The following PRKG2 variants were observed in gnomAD, a reference collection of about 807,000 sequenced individuals.
PRKG2 encodes cGMP-dependent protein kinase 2.
In PRKG2, 33 loss-of-function variants were observed where a neutral mutation model predicts 97.2. That is an observed-to-expected ratio of 0.34 (90% CI 0.26 to 0.45). The LOEUF is 0.45. PRKG2 is among the 20% of genes least tolerant of loss of function. The probability of loss-of-function intolerance (pLI) is 1.00; values close to 1 mark genes in which losing one functional copy is unlikely to be tolerated. For missense variants in PRKG2, 638 were observed against 900.0 expected (o/e 0.71, Z 3.73); for synonymous variants, 330 against 321.8 (o/e 1.03, Z -0.27).
intron 17 of PRKG2, among the ~76,000 whole-genome samples, chr4:81,100,531 A>T (rs1742634002): frequency 6.6e-6 from 1 of 152,160 alleles, no homozygotes. Flanking sequence ...CTGAAACTGG[A>T]TCCCTTCCTT....
intron 6 of PRKG2, among the ~76,000 whole-genome samples, chr4:81,154,873 A>G (rs997531866): frequency 2.6e-5 from 4 of 152,158 alleles, no homozygotes; most frequent in African/African-American, 9.7e-5. Flanking sequence ...AACTTTGAAA[A>G]AAATTTAGAA....
Position 81,110,453 on chromosome 4 carries a change from C to T in PRKG2, c.1935G>A (p.Thr645=). 3 of 1,611,794 alleles carry T rather than the reference C, an allele frequency of 1.9e-6. No homozygotes were observed. The highest frequency in any genetic ancestry group is 1.7e-4 in the Middle Eastern group (1 of 6,054). ...TAAAACTTGAAGGTACATACTTGCC[C>T]GTTAGGAGCTCATACACTAGAATTC... ...SLGILVYELL[T]GNPPFSGVDQ... Residue 645 remains threonine (T), a synonymous_variant, in exon 15 of 19, where the codon ACG becomes ACA. Transcript: ENST00000264399.
intron 15 of PRKG2, among the ~76,000 whole-genome samples, chr4:81,107,699 G>T (rs1743487809): frequency 6.6e-6 from 1 of 151,912 alleles, no homozygotes; most frequent in Non-Finnish European, 1.5e-5. Flanking sequence ...TTTTAGTGGA[G>T]ACGGAGTTTC....
intron 14 of PRKG2, among the ~76,000 whole-genome samples, chr4:81,132,653 C>A (rs6811773): frequency 0.039 from 5,977 of 152,192 alleles, 413 homozygotes; most frequent in African/African-American, 0.14. Context: ...CTTTTCAATG[C>A]CTTCAATTAT....
chr4:81,173,485 T>C (rs191444439), intron 3 of PRKG2, among the ~76,000 whole-genome samples: 277 of 152,202 alleles, frequency 1.8e-3, no homozygotes, highest in African/African-American at 5.2e-3. Flanking sequence ...TGCAATACTC[T>C]AGTGTTGCTA....
At chr4:81,179,613 C>T (rs372826439) in intron 2 of PRKG2, among the ~76,000 whole-genome samples, 2 of 152,108 alleles carry the variant, frequency 1.3e-5, no homozygotes, top group East Asian at 1.9e-4. Context: ...TTAAAGAAAG[C>T]TTGTATTTAT....
intron 18 of PRKG2, 38 bp downstream of exon 18, chr4:81,092,348 G>A (rs762234887): frequency 5.1e-6 from 7 of 1,374,538 alleles, no homozygotes; most frequent in Admixed American, 2.2e-5. Flanking sequence ...ACAAATCCCT[G>A]GGAAAAAAAT....
At chr4:81,162,831 C>T (rs1421957875) in intron 6 of PRKG2, among the ~76,000 whole-genome samples, 3 of 152,136 alleles carry the variant, frequency 2.0e-5, no homozygotes, top group Non-Finnish European at 4.4e-5. Context: ...GTTCGAAGTT[C>T]CTATTTCAGA....
chr4:81,158,388 T>TCCTCAAGGAGAACTACAAACC, intron 6 of PRKG2, among the ~76,000 whole-genome samples: 1 of 133,304 alleles, frequency 7.5e-6, no homozygotes, highest in African/African-American at 3.9e-5. Context: ...GTGAAGGACC[T>TCCTCAAGGAGAACTACAAACC]CTTCAAGGAG....
At position 81,190,282 on chromosome 4, in the gene PRKG2, C is replaced by G. The variant is rs375471478; in HGVS notation, c.461+14305G>C. On this transcript the variant is annotated intron_variant, in intron 2 of 18. Transcript: ENST00000264399. ...CCTCAGAAATAGTGCCACACATCTA[C>G]AACCATCTGATCTTTGACAAACAAG... Among the ~76,000 whole-genome samples the G allele has an allele frequency of 5.8e-4, 88 of 152,278 alleles. No homozygotes were observed. In the South Asian group the frequency reaches 0.017, roughly 30 times the overall value.
At chr4:81,193,382 CAG>C (rs970674485) in intron 2 of PRKG2, 5 of 152,096 alleles carry the variant, frequency 3.3e-5, no homozygotes, top group African/African-American at 1.2e-4. Context: ...CAATAATAAA[CAG>C]AGTCTACAGG....
Position 81,130,968 on chromosome 4 carries a change from C to T in PRKG2, c.1776+4187G>A, listed in dbSNP as rs1746116143. ...GCTAGACCACTTGGCTCCCTGGCTT[C>T]AGCCCCCTTTCCAGGGGAATGAATG... is the stretch of plus-strand genomic sequence containing the variant. On this transcript the variant is annotated intron_variant, in intron 14 of 18. Transcript: ENST00000264399. Among the ~76,000 whole-genome samples, 3 of 152,176 alleles carry T rather than the reference C, an allele frequency of 2.0e-5. No homozygotes were observed. The South Asian group carries it at 6.2e-4, about 32-fold the overall frequency.
At chr4:81,156,161 T>C (rs866730230) in intron 6 of PRKG2, among the ~76,000 whole-genome samples, 6 of 151,964 alleles carry the variant, frequency 3.9e-5, no homozygotes, top group African/African-American at 4.8e-5. Flanking sequence ...CAAGACCCAT[T>C]AGTGTGCTGT....
At chr4:81,143,328 C>A (rs1281132401) in intron 10 of PRKG2, among the ~76,000 whole-genome samples, 1 of 151,968 alleles carries the variant, frequency 6.6e-6, no homozygotes, top group Non-Finnish European at 1.5e-5. Flanking sequence ...GAAAAGCAGT[C>A]AATGAATGGG....
intron 14 of PRKG2, among the ~76,000 whole-genome samples, chr4:81,134,894 A>G (rs1483048227): frequency 6.6e-6 from 1 of 152,172 alleles, no homozygotes; most frequent in African/African-American, 2.4e-5. Context: ...AAACAAAAAT[A>G]CTGATAAAAT....
At chr4:81,136,196 G>A (rs1217509509) in intron 13 of PRKG2, among the ~76,000 whole-genome samples, 1 of 152,112 alleles carries the variant, frequency 6.6e-6, no homozygotes, top group Non-Finnish European at 1.5e-5. Flanking sequence ...CCAATGAAAT[G>A]TTCATGATAC....
At chr4:81,097,214 G>A (rs990567439) in intron 17 of PRKG2, among the ~76,000 whole-genome samples, 2 of 152,102 alleles carry the variant, frequency 1.3e-5, no homozygotes, top group East Asian at 3.9e-4. Context: ...CAGAATGGAT[G>A]TTAACAGCCA....
intron 6 of PRKG2, among the ~76,000 whole-genome samples, chr4:81,157,451 A>C (rs956365157): frequency 1.1e-4 from 16 of 152,246 alleles, no homozygotes; most frequent in African/African-American, 1.7e-4. Flanking sequence ...GCTTACCAAC[A>C]AAAAAGAGTC....
At chr4:81,119,425 C>T (rs1448619633) in intron 14 of PRKG2, among the ~76,000 whole-genome samples, 1 of 152,132 alleles carries the variant, frequency 6.6e-6, no homozygotes, top group Non-Finnish European at 1.5e-5. Context: ...ACTATGTTTA[C>T]ATGGATCTAT....
Sources: allele counts gnomAD v4.1 joint callset (sites outside exome capture counted in the v4.1 genomes callset), GRCh38; gene constraint gnomAD v4.1.1; transcripts MANE v1.5; gene names NCBI Gene and HGNC (gene_info 2026-07-23, HGNC 2026-07-21).